Variants in CREB1 observed in about 807,000 individuals in gnomAD.
CREB1 encodes the protein cAMP responsive element binding protein 1.
Under a neutral mutation model 42.0 loss-of-function variants are expected in CREB1, and 2 were observed. The ratio of observed to expected loss-of-function variants is 0.05; its 90% CI spans 0.02 to 0.15. CREB1 has a LOEUF of 0.15. Among genes scored for constraint, CREB1 ranks in the 10% least tolerant of loss-of-function variants. The probability of loss-of-function intolerance (pLI) is 1.00; values close to 1 mark genes in which losing one functional copy is unlikely to be tolerated. For missense variants in CREB1, 199 were observed against 388.9 expected (o/e 0.51, Z 4.11); for synonymous variants, 123 against 139.9 (o/e 0.88, Z 0.85).
At chr2:207,535,369 T>A (rs2106338767) in intron 1 of CREB1, among the ~76,000 whole-genome samples, 1 of 152,232 alleles carries the variant, frequency 6.6e-6, no homozygotes, top group East Asian at 1.9e-4. Context: ...GCCCAAAAGG[T>A]TTTTATAGCT....
intron 7 of CREB1, chr2:207,582,765 C>A: frequency 4.9e-6 from 1 of 205,336 alleles, no homozygotes; most frequent in Non-Finnish European, 1.0e-5. Flanking sequence ...TGGTGGTGCA[C>A]GCTTGTAATC....
chr2:207,596,089 T>A (rs1419800199), intron 7 of CREB1, among the ~76,000 whole-genome samples: 4 of 152,228 alleles, frequency 2.6e-5, no homozygotes, highest in African/African-American at 9.6e-5. Context: ...TCTAGAAGTT[T>A]TATAGTTTTA....
rs920446284 is a variant in CREB1, at chr2:207,605,180, C to T, written c.*8122C>T. On this transcript the variant is annotated 3_prime_UTR_variant, in exon 8 of 8. Coordinates refer to ENST00000353267, the MANE Select transcript of CREB1 (RefSeq NM_004379.5). ...TCAGCAGCTGTACCGTTTTACCTTC[C>T]ACCATTGATGTATGAGGGTTCCAAT... 6.6e-6 allele frequency among the ~76,000 whole-genome samples: 1 copy of T among 152,160 alleles called. No individual in the cohort carries two copies. Among genetic ancestry groups the T allele is most frequent in the Admixed American group, 6.6e-5 (1 of 15,266 alleles).
chr2:207,602,080 T>C lies in CREB1; in HGVS notation c.*5022T>C, dbSNP rs111842669. The C allele has an allele frequency of 3.1e-3, 641 of 205,812 alleles. 4 individuals carry two copies. The highest frequency in any genetic ancestry group is 3.8e-3 in the Non-Finnish European group (378 of 100,738). The allele number at this position is 205,812 out of a possible 1,614,324, so 12.7% of individuals were successfully genotyped here. ...GTGCTGAAGTTCCATCTGTCTCATC[T>C]GCTTATGATAAGTTCTTATTGATTA... On this transcript the variant is annotated 3_prime_UTR_variant, in exon 8 of 8. Transcript: ENST00000353267.
intron 3 of CREB1, among the ~76,000 whole-genome samples, chr2:207,563,852 G>A (rs183788039): frequency 3.9e-5 from 6 of 152,120 alleles, no homozygotes; most frequent in African/African-American, 1.2e-4. Context: ...GCTAAGGCAC[G>A]AGAATCACTT....
chr2:207,603,457 A>G lies in CREB1; in HGVS notation c.*6399A>G. 4.5e-6 allele frequency: 1 copy of G among 223,982 alleles called. No individual in the cohort carries two copies. The allele number at this position is 223,982 out of a possible 1,614,324, so 13.9% of individuals were successfully genotyped here. A position where few individuals can be genotyped will look rare whatever the true frequency, so the allele number is the denominator to read the frequency against. On this transcript the variant is annotated 3_prime_UTR_variant, in exon 8 of 8. Transcript: ENST00000353267. ...TGTAAGTCTCTTTTTTGGGGATGGG[A>G]TCTCTATATTTTGTTGGGTTTTTTT...
chr2:207,588,972 C>T (rs1466376969), intron 7 of CREB1, among the ~76,000 whole-genome samples: 27 of 151,996 alleles, frequency 1.8e-4, no homozygotes, highest in Non-Finnish European at 4.4e-5. Context: ...TATTTCTAAT[C>T]TGCATGCCTT....
At chr2:207,572,082 C>T (rs1000150707) in intron 5 of CREB1, among the ~76,000 whole-genome samples, 21 of 152,056 alleles carry the variant, frequency 1.4e-4, no homozygotes, top group African/African-American at 2.4e-4. Context: ...AAAAATTAGC[C>T]GGGCATAGTG....
At chr2:207,560,775 AT>A (rs1237441873) in intron 3 of CREB1, among the ~76,000 whole-genome samples, 1 of 152,210 alleles carries the variant, frequency 6.6e-6, no homozygotes, top group East Asian at 1.9e-4. Flanking sequence ...TACCTAAGAT[AT>A]TATTTGACCT....
intron 1 of CREB1, among the ~76,000 whole-genome samples, chr2:207,535,794 T>TTTTA (rs4024317): frequency 0.89 from 129,996 of 145,604 alleles, 59,639 homozygotes; most frequent in South Asian, 0.99. Context: ...TACAATACTT[T>TTTTA]TTTATTTATT....
intron 7 of CREB1, among the ~76,000 whole-genome samples, chr2:207,596,329 T>C (rs1283310541): frequency 6.6e-6 from 1 of 152,228 alleles, no homozygotes; most frequent in Non-Finnish European, 1.5e-5. Context: ...GTTATTGATA[T>C]GGATAGAATT....
At chr2:207,530,746 C>G (rs1267326863) in intron 1 of CREB1, among the ~76,000 whole-genome samples, 1 of 151,870 alleles carries the variant, frequency 6.6e-6, no homozygotes, top group Non-Finnish European at 1.5e-5. Flanking sequence ...CTGCCATGCC[C>G]GCTTCGCAAG....
At chr2:207,573,774 C>T (rs2082464934) in intron 5 of CREB1, among the ~76,000 whole-genome samples, 1 of 152,170 alleles carries the variant, frequency 6.6e-6, no homozygotes, top group African/African-American at 2.4e-5. Context: ...AGTGATGGAA[C>T]TCAAACTACA....
In CREB1 at chr2:207,590,253, TGGGATGTCAGTA is replaced by T. The variant is rs1287214034; in HGVS notation, c.840-6652_840-6641del. Among the ~76,000 whole-genome samples, 4 of 152,040 alleles carry T rather than the reference TGGGATGTCAGTA, an allele frequency of 2.6e-5. No homozygotes were observed. In the East Asian group the frequency reaches 5.8e-4, roughly 22 times the overall value. On this transcript the variant is annotated intron_variant, in intron 7 of 7. Coordinates refer to ENST00000353267, the MANE Select transcript of CREB1 (RefSeq NM_004379.5). ...GTTAGTTTATTATTCTTTTACTGTA[TGGGATGTCAGTA>T]GGGATGTCCCCCCGCTTCATTCCTA...
intron 3 of CREB1, 54 bp downstream of exon 3, chr2:207,560,426 A>C: frequency 3.3e-6 from 5 of 1,537,744 alleles, no homozygotes; most frequent in Non-Finnish European, 4.4e-6. Context: ...TTATAGCCAT[A>C]TCTCTCTCCT....
chr2:207,539,875 G>C (rs1178077960), intron 1 of CREB1, among the ~76,000 whole-genome samples: 1 of 152,172 alleles, frequency 6.6e-6, no homozygotes, highest in Non-Finnish European at 1.5e-5. Flanking sequence ...TAATGAACTT[G>C]ACATACTCAT....
chr2:207,593,764 G>A (rs1400385161), intron 7 of CREB1, among the ~76,000 whole-genome samples: 1 of 146,794 alleles, frequency 6.8e-6, no homozygotes, highest in Non-Finnish European at 1.5e-5. Flanking sequence ...TATCACCCAG[G>A]CTGGAGTGCA....
At chr2:207,587,380 G>A (rs1244541115) in intron 7 of CREB1, among the ~76,000 whole-genome samples, 2 of 145,128 alleles carry the variant, frequency 1.4e-5, no homozygotes, top group African/African-American at 5.1e-5. Flanking sequence ...GTGACGGAAC[G>A]AGACTCCATC....
chr2:207,532,579 A>C (rs936660690), intron 1 of CREB1, among the ~76,000 whole-genome samples: 7 of 151,358 alleles, frequency 4.6e-5, no homozygotes, highest in African/African-American at 1.7e-4. Flanking sequence ...TAGCTGAGGC[A>C]GGAGAATCTC....
Sources: allele counts gnomAD v4.1 joint callset (sites outside exome capture counted in the v4.1 genomes callset), GRCh38; gene constraint gnomAD v4.1.1; transcripts MANE v1.5; gene names NCBI Gene and HGNC (gene_info 2026-07-23, HGNC 2026-07-21).